SNTG1: variants seen among roughly 807,000 people sequenced by gnomAD.
The protein encoded by SNTG1 is gamma-1-syntrophin.
A neutral mutation model predicts 74.7 loss-of-function variants in SNTG1; 39 were observed. The observed-to-expected ratio is 0.52, with a 90% CI of 0.40 to 0.68. SNTG1 has a LOEUF of 0.68. Among genes scored for constraint, SNTG1 ranks in the 30% least tolerant of loss-of-function variants. SNTG1 has a pLI of 0.00. For synonymous variants in SNTG1, 254 were observed against 217.1 expected, an observed-to-expected ratio of 1.17 and a Z score of -1.49; for missense variants, 685 against 609.5, an observed-to-expected ratio of 1.12 and a Z score of -1.30.
intron 8 of SNTG1, among the ~76,000 whole-genome samples, chr8:50,470,351 G>A (rs58418550): frequency 0.078 from 11,898 of 152,140 alleles, 1,020 homozygotes; most frequent in African/African-American, 0.22. Flanking sequence ...TCTTGGTCTC[G>A]CTGACTTCAA....
chr8:50,220,063 T>A (rs917029736), intron 2 of SNTG1, among the ~76,000 whole-genome samples: 1 of 152,094 alleles, frequency 6.6e-6, no homozygotes, highest in Admixed American at 6.6e-5. Context: ...ATATCTGGAA[T>A]TAACTTTAAG....
intron 12 of SNTG1, among the ~76,000 whole-genome samples, chr8:50,574,017 T>TATATATGATATTCAGCAAATAC (rs1338757750): frequency 2.0e-5 from 3 of 151,922 alleles, no homozygotes; most frequent in Non-Finnish European, 4.4e-5. Context: ...TCTGGAAAAA[T>TATATATGATATTCAGCAAATAC]ATATATGATA....
intron 4 of SNTG1, among the ~76,000 whole-genome samples, chr8:50,402,792 T>G (rs2092823690): frequency 6.6e-6 from 1 of 152,160 alleles, no homozygotes; most frequent in South Asian, 2.1e-4. Context: ...GTGAGTGGTG[T>G]TCCCCTAGGA....
At chr8:50,635,159 A>G (rs946536582) in intron 13 of SNTG1, among the ~76,000 whole-genome samples, 4 of 152,218 alleles carry the variant, frequency 2.6e-5, no homozygotes, top group Non-Finnish European at 5.9e-5. Flanking sequence ...TCAAAAGCAT[A>G]TAAATCATGT....
intron 13 of SNTG1, among the ~76,000 whole-genome samples, chr8:50,611,174 G>GATGT (rs1033424561): frequency 2.0e-4 from 31 of 152,126 alleles, no homozygotes; most frequent in African/African-American, 7.2e-4. Flanking sequence ...CCTGAGAGGA[G>GATGT]ATGTATCCTT....
intron 13 of SNTG1, among the ~76,000 whole-genome samples, chr8:50,601,020 C>G (rs892044862): frequency 6.6e-6 from 1 of 151,182 alleles, no homozygotes; most frequent in East Asian, 1.9e-4. Flanking sequence ...ATACAAGAAA[C>G]ATTAGTTGGG....
chr8:50,691,207 G>A (rs2095377328), intron 15 of SNTG1, among the ~76,000 whole-genome samples: 2 of 152,106 alleles, frequency 1.3e-5, no homozygotes, highest in African/African-American at 2.4e-5. Flanking sequence ...TATCCAATTT[G>A]CCAGTCTGTG....
chr8:50,391,562 T>C (rs1053425241), intron 2 of SNTG1, among the ~76,000 whole-genome samples: 1 of 152,142 alleles, frequency 6.6e-6, no homozygotes, highest in Non-Finnish European at 1.5e-5. Flanking sequence ...CCAGACTTTG[T>C]TATCAGGATG....
At chr8:50,511,191 A>G (rs1010572478) in intron 9 of SNTG1, among the ~76,000 whole-genome samples, 3 of 152,220 alleles carry the variant, frequency 2.0e-5, no homozygotes, top group Non-Finnish European at 4.4e-5. Context: ...GTCATTCAGG[A>G]GCAGGTTGTT....
chr8:50,144,021 G>A (rs2081768641), intron 1 of SNTG1, among the ~76,000 whole-genome samples: 1 of 152,164 alleles, frequency 6.6e-6, no homozygotes, highest in African/African-American at 2.4e-5. Flanking sequence ...CTGGAGAGCA[G>A]GACCAGAGTG....
chr8:50,783,035 A>G (rs185648123), intron 18 of SNTG1, among the ~76,000 whole-genome samples: 1 of 152,126 alleles, frequency 6.6e-6, no homozygotes, highest in African/African-American at 2.4e-5. Context: ...ATGAACCGCA[A>G]ATGCTGCTGT....
chr8:49,952,291 T>C (rs2129392990), intron 1 of SNTG1, among the ~76,000 whole-genome samples: 1 of 152,314 alleles, frequency 6.6e-6, no homozygotes, highest in South Asian at 2.1e-4. Flanking sequence ...GTAAAGACTT[T>C]TTTGTGCTGT....
intron 1 of SNTG1, among the ~76,000 whole-genome samples, chr8:49,919,896 G>A (rs1806378622): frequency 6.6e-6 from 1 of 152,010 alleles, no homozygotes; most frequent in African/African-American, 2.4e-5. Flanking sequence ...TAATCTACTT[G>A]TGTACATTTT....
chr8:50,336,225 C>G (rs1158746178), intron 2 of SNTG1, among the ~76,000 whole-genome samples: 1 of 152,096 alleles, frequency 6.6e-6, no homozygotes, highest in Non-Finnish European at 1.5e-5. Flanking sequence ...ATTTGGAGAC[C>G]ATAGAGCATT....
intron 8 of SNTG1, among the ~76,000 whole-genome samples, chr8:50,497,375 C>T (rs1312633036): frequency 2.0e-5 from 3 of 151,706 alleles, no homozygotes; most frequent in South Asian, 4.2e-4. Flanking sequence ...TTTGTTTAAT[C>T]CTAGATATTA....
chr8:50,602,111 C>T (rs1309566131), intron 13 of SNTG1, among the ~76,000 whole-genome samples: 1 of 151,988 alleles, frequency 6.6e-6, no homozygotes. Context: ...AGTCTATTTA[C>T]ATTCAATGTT....
intron 15 of SNTG1, among the ~76,000 whole-genome samples, chr8:50,674,644 G>T (rs189755143): frequency 6.6e-6 from 1 of 151,394 alleles, no homozygotes; most frequent in East Asian, 2.0e-4. Context: ...TTTTTGGAGG[G>T]ATTTTGTGTC....
chr8:50,388,466 AT>A (rs1408362040), intron 2 of SNTG1, among the ~76,000 whole-genome samples: 1 of 152,196 alleles, frequency 6.6e-6, no homozygotes, highest in Admixed American at 6.6e-5. Context: ...TACAGAATCA[AT>A]TCCTGAAACC....
chr8:50,471,648 C>A (rs563983611), intron 8 of SNTG1, among the ~76,000 whole-genome samples: 6 of 152,276 alleles, frequency 3.9e-5, no homozygotes, highest in African/African-American at 1.2e-4. Context: ...ATGTCCACAC[C>A]AAAACATATA....
Sources: allele counts gnomAD v4.1 joint callset (sites outside exome capture counted in the v4.1 genomes callset), GRCh38; gene constraint gnomAD v4.1.1; transcripts MANE v1.5; gene names NCBI Gene and HGNC (gene_info 2026-07-23, HGNC 2026-07-21).